FAN1: variants seen among roughly 807,000 people sequenced by gnomAD.
FAN1 encodes the protein FANCD2 and FANCI associated nuclease 1.
A neutral mutation model predicts 104.9 loss-of-function variants in FAN1; 91 were observed. The ratio of observed to expected loss-of-function variants is 0.87; its 90% CI spans 0.73 to 1.03. FAN1 has a LOEUF of 1.03. Among genes scored for constraint, FAN1 ranks in the 50% least tolerant of loss-of-function variants. The pLI is 0.00. For missense variants in FAN1, 1,263 were observed against 1,239.9 expected, an observed-to-expected ratio of 1.02 and a Z score of -0.28; for synonymous variants, 478 against 457.6, an observed-to-expected ratio of 1.04 and a Z score of -0.57.
At position 30,941,657 on chromosome 15, in the gene FAN1, A is replaced by C. The variant is rs1219243738; in HGVS notation, c.*95A>C. On this transcript the variant is annotated 3_prime_UTR_variant, in exon 15 of 15. Transcript: ENST00000362065. The stretch of plus-strand genomic sequence containing the variant: ...GTGAGGGCCGCTGGCGTTGAAGTAC[A>C]TCCTGCTCTGGCCCAGCTCCCCATA... 3 of 1,612,628 alleles carry C rather than the reference A, an allele frequency of 1.9e-6. No individual in the cohort carries two copies. In the South Asian group the frequency reaches 3.3e-5, roughly 18 times the overall value.
At chr15:30,930,287 G>A (rs768943653) in intron 12 of FAN1, among the ~76,000 whole-genome samples, 56 of 152,026 alleles carry the variant, frequency 3.7e-4, no homozygotes, top group East Asian at 1.9e-4. Context: ...CTTCCTCAGC[G>A]CTCCCCAGCA....
At position 30,918,299 on chromosome 15, in the gene FAN1, A is replaced by G; in HGVS notation, c.1943+4A>G. ...TGAAAAACCACCCTTCTCTGAGGTGAGAGTTTTTCTAGGTACCTGCCAAAA... is the reference window on the plus strand; with the variant it reads ...TGAAAAACCACCCTTCTCTGAGGTGGGAGTTTTTCTAGGTACCTGCCAAAA... On this transcript the variant is annotated splice_donor_region_variant and intron_variant, in intron 6 of 14. Transcript: ENST00000362065. 6.2e-7 allele frequency: 1 copy of G among 1,613,810 alleles called. No individual in the cohort carries two copies. The highest frequency in any genetic ancestry group is 8.5e-7 in the Non-Finnish European group (1 of 1,179,910).
chr15:30,935,641 G>T (rs928501412), intron 13 of FAN1, among the ~76,000 whole-genome samples: 1 of 152,110 alleles, frequency 6.6e-6, no homozygotes, highest in Non-Finnish European at 1.5e-5. Context: ...GGTAACAGAG[G>T]GGGTCCTTGA....
intron 5 of FAN1, among the ~76,000 whole-genome samples, chr15:30,916,548 C>T (rs2062202839): frequency 6.6e-6 from 1 of 152,068 alleles, no homozygotes; most frequent in South Asian, 2.1e-4. Context: ...AAGCAGAGAG[C>T]CTTAAGATGT....
rs1461649440 is a variant in FAN1, at chr15:30,918,187, T to C, written c.1835T>C (p.Leu612Pro). Residue 612 changes from leucine to proline, a missense_variant, in exon 6 of 15, where the codon CTG (leucine) becomes CCG (proline). Leu to Pro is a moderately conservative substitution (Grantham distance 98). Transcript: ENST00000362065. ...LIRYAAATHM[L>P]SDISSAMANG... ...AGATATGCAGCAGCCACGCACATGC[T>C]GAGTGACATTTCTTCCGCAATGGCC... The C allele has an allele frequency of 6.2e-7, 1 of 1,613,948 alleles. No individual in the cohort carries two copies. The highest frequency in any genetic ancestry group is 8.5e-7 in the Non-Finnish European group (1 of 1,180,030).
intron 5 of FAN1, 41 bp downstream of exon 5, chr15:30,914,132 T>C (rs1253903810): frequency 7.3e-7 from 1 of 1,369,148 alleles, no homozygotes. Context: ...ATATGTGTAT[T>C]TCACAATTTA....
chr15:30,927,425 G>C (rs989989115), intron 10 of FAN1: 3 of 985,522 alleles, frequency 3.0e-6, no homozygotes, highest in Non-Finnish European at 3.6e-6. Flanking sequence ...TTGAATCCCT[G>C]AGACGGGCTG....
intron 14 of FAN1, among the ~76,000 whole-genome samples, chr15:30,938,774 T>C (rs975991344): frequency 6.6e-6 from 1 of 152,170 alleles, no homozygotes. Flanking sequence ...GCTTTAACTT[T>C]AGCCACTTCC....
At chr15:30,915,055 A>C (rs1213112734) in intron 5 of FAN1, among the ~76,000 whole-genome samples, 1 of 152,234 alleles carries the variant, frequency 6.6e-6, no homozygotes, top group Non-Finnish European at 1.5e-5. Context: ...AGTCAACCTA[A>C]GTGTCCATCA....
At chr15:30,910,923 A>G in intron 4 of FAN1, 108 bp downstream of exon 4, 1 of 1,416,364 alleles carries the variant, frequency 7.1e-7, no homozygotes. Context: ...TTTCAGTTGT[A>G]GTTAGATTGA....
chr15:30,941,890 G>A lies in FAN1; in HGVS notation c.*328G>A, dbSNP rs369696876. ...GCAGAATAACACCGTGCAGGTTGGCGGGTTTGGAAAACCATTCTCTAAAAT... is the reference window on the plus strand; with the variant it reads ...GCAGAATAACACCGTGCAGGTTGGCAGGTTTGGAAAACCATTCTCTAAAAT... On this transcript the variant is annotated 3_prime_UTR_variant, in exon 15 of 15. Coordinates refer to ENST00000362065, the MANE Select transcript of FAN1 (RefSeq NM_014967.5). The A allele has an allele frequency of 1.1e-4, 178 of 1,613,898 alleles. No individual in the cohort carries two copies. Among genetic ancestry groups the A allele is most frequent in the Non-Finnish European group, 1.4e-4 (162 of 1,179,902 alleles).
intron 14 of FAN1, chr15:30,939,399 C>A (rs1048883459): frequency 9.1e-6 from 9 of 985,432 alleles, no homozygotes; most frequent in Non-Finnish European, 1.1e-5. Flanking sequence ...ACTGCTGTCA[C>A]CACATGTCCC....
At chr15:30,935,556 G>A (rs1221314352) in intron 13 of FAN1, among the ~76,000 whole-genome samples, 4 of 152,156 alleles carry the variant, frequency 2.6e-5, no homozygotes, top group Non-Finnish European at 4.4e-5. Flanking sequence ...ATGATTTAAA[G>A]TATATGAGAA....
chr15:30,926,654 A>G (rs909822205), intron 10 of FAN1: 15 of 978,492 alleles, frequency 1.5e-5, no homozygotes, highest in Non-Finnish European at 3.6e-6. Flanking sequence ...CAGTGAAGAC[A>G]GAGAGATACA....
At chr15:30,921,108 G>A (rs1056132289) in intron 7 of FAN1, among the ~76,000 whole-genome samples, 3 of 152,152 alleles carry the variant, frequency 2.0e-5, no homozygotes, top group Non-Finnish European at 2.9e-5. Context: ...CCTGGCCAAC[G>A]AGGGCATAGT....
At chr15:30,918,340 A>G (rs754110183) in intron 6 of FAN1, 45 bp downstream of exon 6, 1 of 1,595,524 alleles carries the variant, frequency 6.3e-7, no homozygotes, top group Non-Finnish European at 8.6e-7. Flanking sequence ...ACATTGACCA[A>G]GTTGTTCCCA....
intron 10 of FAN1, 57 bp from the exon 11 acceptor site, chr15:30,928,496 A>G: frequency 6.8e-7 from 1 of 1,479,306 alleles, no homozygotes; most frequent in Non-Finnish European, 9.0e-7. Context: ...AGAAACAGAT[A>G]AAACAGATTT....
At position 30,905,094 on chromosome 15, in the gene FAN1, A is replaced by G; in HGVS notation, c.431A>G (p.Asn144Ser). The change falls in exon 2 of 15, where the codon AAT becomes AGT. Residue 144 changes from asparagine to serine, a missense_variant. Coordinates refer to ENST00000362065, the MANE Select transcript of FAN1 (RefSeq NM_014967.5). ...VVCKNQDELR[N>S]RSVKVICLGS... ...TGCAAAAATCAAGATGAGCTGAGAA[A>G]TCGTAGTGTGAAAGTCATTTGTTTG... is the stretch of plus-strand genomic sequence containing the variant. 6.2e-7 allele frequency: 1 copy of G among 1,614,100 alleles called. No individual in the cohort carries two copies. Among genetic ancestry groups the G allele is most frequent in the Non-Finnish European group, 8.5e-7 (1 of 1,179,998 alleles).
Position 30,904,835 on chromosome 15 carries a change from C to A in FAN1, c.172C>A (p.Arg58=), listed in dbSNP as rs754760573. 8 of 1,613,246 alleles carry A rather than the reference C, an allele frequency of 5.0e-6. No individual in the cohort carries two copies. Among genetic ancestry groups the A allele is most frequent in the Non-Finnish European group, 6.8e-6 (8 of 1,179,286 alleles). ...SKMVPRYDLN[R]HLDEMCANND... is the part of the protein sequence containing the mutation. ...AATGGTGCCTAGATATGACTTAAAC[C>A]GGCACCTTGATGAAATGTGTGCTAA... The change falls in exon 2 of 15, where the codon CGG becomes AGG. Residue 58 remains arginine (R), a synonymous_variant. Coordinates refer to ENST00000362065, the MANE Select transcript of FAN1 (RefSeq NM_014967.5).
Sources: gnomAD v4.1 joint callset for allele counts (sites outside exome capture counted in the v4.1 genomes callset) on GRCh38, gnomAD v4.1.1 for gene constraint, MANE v1.5 for transcripts, NCBI Gene and HGNC (gene_info 2026-07-23, HGNC 2026-07-21) for gene names.